The following CHST9 variants were observed in gnomAD, a reference collection of about 807,000 sequenced individuals.
CHST9 encodes carbohydrate sulfotransferase 9.
CHST9 carries 41 observed loss-of-function variants against 44.4 expected under a neutral mutation model. The observed-to-expected ratio is 0.92, with a 90% CI of 0.72 to 1.20. The LOEUF is 1.20. CHST9 is among the 50% of genes most tolerant of loss of function. The pLI, the probability that CHST9 is intolerant of heterozygous loss-of-function variation, is 0.00. For missense variants in CHST9, 504 were observed against 516.5 expected (o/e 0.98, Z 0.23); for synonymous variants, 171 against 178.4 (o/e 0.96, Z 0.33).
At chr18:27,006,591 T>C (rs755484313) in intron 4 of CHST9, among the ~76,000 whole-genome samples, 6 of 152,164 alleles carry the variant, frequency 3.9e-5, no homozygotes, top group Non-Finnish European at 7.3e-5. Context: ...GCTGGAACAA[T>C]CGTTTGTTTC....
At chr18:27,091,805 C>A (rs2058071751) in intron 2 of CHST9, among the ~76,000 whole-genome samples, 1 of 152,144 alleles carries the variant, frequency 6.6e-6, no homozygotes, top group Non-Finnish European at 1.5e-5. Context: ...CCAACTTGAT[C>A]ATAGTGGATA....
intron 1 of CHST9, among the ~76,000 whole-genome samples, chr18:27,152,801 G>A (rs1346469922): frequency 6.6e-6 from 1 of 151,660 alleles, no homozygotes; most frequent in Non-Finnish European, 1.5e-5. Context: ...TTTCTGCGGT[G>A]GTACAAAAAA....
At chr18:27,029,706 G>A (rs952071080) in intron 3 of CHST9, among the ~76,000 whole-genome samples, 3 of 152,132 alleles carry the variant, frequency 2.0e-5, no homozygotes, top group Admixed American at 1.3e-4. Context: ...TCATAGTTGT[G>A]ATATGGTATT....
At chr18:26,935,387 A>G (rs1193864959) in intron 5 of CHST9, 1 of 152,212 alleles carries the variant, frequency 6.6e-6, no homozygotes, top group Non-Finnish European at 1.5e-5. Flanking sequence ...TCTTAGTAAC[A>G]GAACCAAAAT....
chr18:26,916,797 C>G lies in CHST9; in HGVS notation c.794G>C (p.Gly265Ala), dbSNP rs776632823. ...GTAAGTATTTAAGCGGGTATATATC[C>G]CTTTTAGGTCAAAGCTATCTAGCTT... ...LKKLDSFDLK[G>A]IYTRLNTYTK... Residue 265 changes from glycine to alanine, a missense_variant, in exon 6 of 6, where the codon GGG (glycine) becomes GCG (alanine). Gly to Ala is a moderately conservative substitution (Grantham distance 60). Transcript: ENST00000618847. 2 of 1,613,796 alleles carry G rather than the reference C, an allele frequency of 1.2e-6. No homozygotes were observed. The highest frequency in any genetic ancestry group is 1.7e-6 in the Non-Finnish European group (2 of 1,179,816).
intron 2 of CHST9, among the ~76,000 whole-genome samples, chr18:27,125,739 G>C (rs1004202057): frequency 6.6e-6 from 1 of 152,190 alleles, no homozygotes; most frequent in African/African-American, 2.4e-5. Context: ...CAAATGGGAA[G>C]CTTCCTGAGA....
chr18:26,983,178 A>G lies in CHST9; in HGVS notation c.203-38812T>C, dbSNP rs1272404242. 2.0e-5 allele frequency among the ~76,000 whole-genome samples: 3 copies of G among 152,350 alleles called. No homozygotes were observed. The East Asian group carries it at 5.8e-4, about 29-fold the overall frequency. ...TGTAGAGAGTATGTTTGGAGAAAGTATAGGTCCTAGACCAGTGTGTTTCAA... is the reference window on the plus strand; with the variant it reads ...TGTAGAGAGTATGTTTGGAGAAAGTGTAGGTCCTAGACCAGTGTGTTTCAA... On this transcript the variant is annotated intron_variant, in intron 4 of 5. Coordinates refer to ENST00000618847, the MANE Select transcript of CHST9 (RefSeq NM_031422.6).
intron 4 of CHST9, among the ~76,000 whole-genome samples, chr18:26,950,536 C>G (rs1414041449): frequency 1.3e-5 from 2 of 152,174 alleles, no homozygotes; most frequent in African/African-American, 4.8e-5. Context: ...GAATACTACT[C>G]AGCCATAAAA....
At chr18:27,061,336 A>G (rs191644635) in intron 2 of CHST9, among the ~76,000 whole-genome samples, 1 of 152,362 alleles carries the variant, frequency 6.6e-6, no homozygotes, top group East Asian at 1.9e-4. Flanking sequence ...CTACAAAAAT[A>G]ATATTCAATG....
intron 2 of CHST9, among the ~76,000 whole-genome samples, chr18:27,070,694 T>C (rs2057829978): frequency 6.9e-6 from 1 of 145,906 alleles, no homozygotes; most frequent in Non-Finnish European, 1.5e-5. Context: ...TCACCCCCGT[T>C]AGAGGTAAAC....
At chr18:27,093,677 A>C (rs1459673475) in intron 2 of CHST9, among the ~76,000 whole-genome samples, 1 of 152,200 alleles carries the variant, frequency 6.6e-6, no homozygotes, top group Non-Finnish European at 1.5e-5. Context: ...GGAAAGGGAA[A>C]TCTCCCAACC....
At chr18:27,159,071 C>A (rs943483054) in intron 1 of CHST9, among the ~76,000 whole-genome samples, 23 of 152,290 alleles carry the variant, frequency 1.5e-4, no homozygotes, top group African/African-American at 5.5e-4. Flanking sequence ...CCTGTTCACT[C>A]TGATGGTAGT....
intron 2 of CHST9, among the ~76,000 whole-genome samples, chr18:27,089,243 C>T (rs1313722192): frequency 3.9e-5 from 6 of 151,900 alleles, no homozygotes; most frequent in Non-Finnish European, 8.8e-5. Flanking sequence ...CCCATCAACT[C>T]ATCATTTACA....
At chr18:27,022,494 A>G (rs1376999850) in intron 4 of CHST9, among the ~76,000 whole-genome samples, 1 of 152,110 alleles carries the variant, frequency 6.6e-6, no homozygotes, top group South Asian at 2.1e-4. Context: ...AACTCCAATT[A>G]TTGTTTTCGA....
In CHST9 at chr18:26,995,031, C is replaced by T. The variant is rs192489882; in HGVS notation, c.202+29085G>A. Among the ~76,000 whole-genome samples, 243 of 152,054 alleles carry T rather than the reference C, an allele frequency of 1.6e-3. 2 individuals are homozygous for T. The highest frequency in any genetic ancestry group is 5.6e-3 in the African/African-American group (231 of 41,486). On this transcript the variant is annotated intron_variant, in intron 4 of 5. Transcript: ENST00000618847. ...CTCACTTCTGGGGAAAGCCGGTGGA[C>T]GTGTCTTGGGCAACCCTGCGGAGGG...
intron 4 of CHST9, among the ~76,000 whole-genome samples, chr18:27,000,782 C>T (rs1317029614): frequency 6.6e-6 from 1 of 152,034 alleles, no homozygotes; most frequent in Non-Finnish European, 1.5e-5. Flanking sequence ...AAAGAATACA[C>T]ACAAATGACA....
intron 2 of CHST9, among the ~76,000 whole-genome samples, chr18:27,089,207 G>A (rs1410875537): frequency 6.6e-6 from 1 of 151,750 alleles, no homozygotes; most frequent in African/African-American, 2.4e-5. Context: ...TTGATACATA[G>A]GTATGTGCCA....
At chr18:26,958,424 A>G (rs1304382300) in intron 4 of CHST9, among the ~76,000 whole-genome samples, 1 of 151,944 alleles carries the variant, frequency 6.6e-6, no homozygotes, top group African/African-American at 2.4e-5. Flanking sequence ...CAGCTCTGGG[A>G]AGGAATTAAT....
At chr18:27,025,181 T>C (rs1040097172) in intron 3 of CHST9, among the ~76,000 whole-genome samples, 1 of 147,564 alleles carries the variant, frequency 6.8e-6, no homozygotes, top group Non-Finnish European at 1.5e-5. Flanking sequence ...CACTTACATA[T>C]ATTATATATT....
Sources: allele counts gnomAD v4.1 joint callset (sites outside exome capture counted in the v4.1 genomes callset), GRCh38; gene constraint gnomAD v4.1.1; transcripts MANE v1.5; gene names NCBI Gene and HGNC (gene_info 2026-07-23, HGNC 2026-07-21).